The following WWOX variants were observed in gnomAD, a reference collection of about 807,000 sequenced individuals.
WWOX encodes WW domain containing oxidoreductase.
A neutral mutation model predicts 46.2 loss-of-function variants in WWOX; 69 were observed. The ratio of observed to expected loss-of-function variants is 1.49; its 90% CI spans 1.23 to 1.82. WWOX has a LOEUF of 1.82. Among genes scored for constraint, WWOX ranks in the 40% most tolerant of loss-of-function variants. WWOX has a pLI of 0.00. For missense variants in WWOX, 919 were observed against 542.6 expected, an observed-to-expected ratio of 1.69 and a Z score of -6.89; for synonymous variants, 359 against 202.6, an observed-to-expected ratio of 1.77 and a Z score of -6.56.
intron 8 of WWOX, among the ~76,000 whole-genome samples, chr16:78,689,885 G>A (rs1243245485): frequency 6.6e-6 from 1 of 151,938 alleles, no homozygotes; most frequent in South Asian, 2.1e-4. Flanking sequence ...TTTGGAGACA[G>A]GGTCTCACTC....
intron 5 of WWOX, among the ~76,000 whole-genome samples, chr16:78,359,208 G>A (rs1039127884): frequency 6.6e-6 from 1 of 152,106 alleles, no homozygotes; most frequent in African/African-American, 2.4e-5. Context: ...TACTTGCTAG[G>A]TGAGCTGGTA....
intron 8 of WWOX, among the ~76,000 whole-genome samples, chr16:78,555,702 G>A (rs978162722): frequency 6.6e-6 from 1 of 151,586 alleles, no homozygotes; most frequent in Admixed American, 6.6e-5. Flanking sequence ...TGGACTGGAA[G>A]TAAGAAGCCC....
chr16:79,019,884 A>T (rs147351546), intron 8 of WWOX, among the ~76,000 whole-genome samples: 1 of 152,312 alleles, frequency 6.6e-6, no homozygotes, highest in East Asian at 1.9e-4. Context: ...CGGATCCTCA[A>T]TGTTCTTTTC....
At chr16:78,293,759 C>CCT (rs2079896966) in intron 5 of WWOX, among the ~76,000 whole-genome samples, 1 of 151,956 alleles carries the variant, frequency 6.6e-6, no homozygotes, top group South Asian at 2.1e-4. Context: ...TGGCAGATCA[C>CCT]GAGGTCAGGA....
intron 8 of WWOX, among the ~76,000 whole-genome samples, chr16:78,484,674 C>A (rs1337451913): frequency 6.6e-6 from 1 of 152,120 alleles, no homozygotes; most frequent in East Asian, 1.9e-4. Context: ...AGGCAGGAGT[C>A]TCTAAGCAGG....
intron 8 of WWOX, among the ~76,000 whole-genome samples, chr16:79,057,449 T>C (rs1348782827): frequency 6.6e-6 from 1 of 152,236 alleles, no homozygotes; most frequent in Non-Finnish European, 1.5e-5. Context: ...GGTTCAATTC[T>C]CAGGCTCCTT....
chr16:78,467,419 G>C (rs1442358126), intron 8 of WWOX, among the ~76,000 whole-genome samples: 1 of 152,092 alleles, frequency 6.6e-6, no homozygotes, highest in Non-Finnish European at 1.5e-5. Flanking sequence ...TTGAATACAA[G>C]TCTTATCTAG....
chr16:78,499,834 G>A (rs1318193471), intron 8 of WWOX, among the ~76,000 whole-genome samples: 2 of 152,194 alleles, frequency 1.3e-5, no homozygotes, highest in African/African-American at 4.8e-5. Context: ...TCTGGATGCT[G>A]AGACCTTGAA....
At chr16:78,850,512 T>A (rs991412503) in intron 8 of WWOX, among the ~76,000 whole-genome samples, 1 of 152,242 alleles carries the variant, frequency 6.6e-6, no homozygotes, top group Non-Finnish European at 1.5e-5. Context: ...ATAGTTTTTT[T>A]ACTGCTAAGA....
chr16:79,051,043 T>C (rs1284507691), intron 8 of WWOX, among the ~76,000 whole-genome samples: 1 of 152,190 alleles, frequency 6.6e-6, no homozygotes, highest in South Asian at 2.1e-4. Flanking sequence ...ATAGCAGGAT[T>C]ATTCCCAAGG....
intron 8 of WWOX, among the ~76,000 whole-genome samples, chr16:78,946,778 C>T (rs993209501): frequency 6.0e-5 from 9 of 150,096 alleles, no homozygotes; most frequent in African/African-American, 1.8e-4. Flanking sequence ...AGTGAGCCCC[C>T]GGGGGAGCTC....
chr16:79,135,199 A>T (rs1297833227), intron 8 of WWOX, among the ~76,000 whole-genome samples: 1 of 152,166 alleles, frequency 6.6e-6, no homozygotes, highest in African/African-American at 2.4e-5. Context: ...CTAGAAAAAA[A>T]TATTTATTTT....
intron 8 of WWOX, among the ~76,000 whole-genome samples, chr16:79,056,142 A>G (rs1383261831): frequency 6.6e-6 from 1 of 151,986 alleles, no homozygotes; most frequent in Non-Finnish European, 1.5e-5. Context: ...ACCAGCCATC[A>G]GCACCTCCCT....
chr16:78,921,949 G>C (rs1179537916), intron 8 of WWOX, among the ~76,000 whole-genome samples: 1 of 152,196 alleles, frequency 6.6e-6, no homozygotes, highest in African/African-American at 2.4e-5. Context: ...GATCGGGGAA[G>C]AGACAAATGG....
At chr16:78,314,061 C>G (rs2080304683) in intron 5 of WWOX, among the ~76,000 whole-genome samples, 1 of 152,202 alleles carries the variant, frequency 6.6e-6, no homozygotes, top group South Asian at 2.1e-4. Flanking sequence ...GGGCATCTGT[C>G]TCCTTCAGTT....
intron 8 of WWOX, among the ~76,000 whole-genome samples, chr16:78,803,130 C>G (rs1176110452): frequency 1.3e-5 from 2 of 151,492 alleles, no homozygotes; most frequent in Non-Finnish European, 1.5e-5. Context: ...ATAAATTAGT[C>G]TTTCAGGATC....
chr16:78,462,911 C>A (rs912189438), intron 8 of WWOX, among the ~76,000 whole-genome samples: 1 of 152,194 alleles, frequency 6.6e-6, no homozygotes, highest in East Asian at 1.9e-4. Context: ...GCACGCTGTT[C>A]ACCCCTTAGG....
chr16:78,289,262 GC>G (rs1366384140), intron 5 of WWOX, among the ~76,000 whole-genome samples: 1 of 152,172 alleles, frequency 6.6e-6, no homozygotes, highest in African/African-American at 2.4e-5. Flanking sequence ...TTAGTGAATT[GC>G]CGTGGGAATG....
chr16:79,114,488 A>G (rs1008362051), intron 8 of WWOX, among the ~76,000 whole-genome samples: 2 of 151,656 alleles, frequency 1.3e-5, no homozygotes, highest in Admixed American at 1.3e-4. Context: ...ATGGAGGCAG[A>G]TACTGGAGCG....
Sources: allele counts gnomAD v4.1 joint callset (sites outside exome capture counted in the v4.1 genomes callset), GRCh38; gene constraint gnomAD v4.1.1; transcripts MANE v1.5; gene names NCBI Gene and HGNC (gene_info 2026-07-23, HGNC 2026-07-21).